TIAL1: variants seen among roughly 807,000 people sequenced by gnomAD.
The protein encoded by TIAL1 is nucleolysin TIAR.
A neutral mutation model predicts 59.7 loss-of-function variants in TIAL1; 7 were observed. The ratio of observed to expected loss-of-function variants is 0.12; its 90% confidence interval spans 0.07 to 0.22. The LOEUF is 0.22. Ranked by LOEUF, TIAL1 falls within the 10% of genes least tolerant of loss-of-function variation. TIAL1 has a pLI of 1.00. For missense variants in TIAL1, 225 were observed against 462.5 expected, an observed-to-expected ratio of 0.49 and a Z score of 4.71; for synonymous variants, 149 against 146.3, an observed-to-expected ratio of 1.02 and a Z score of -0.13.
At chr10:119,591,249 C>CA (rs1394449780) in intron 1 of TIAL1, among the ~76,000 whole-genome samples, 4 of 151,716 alleles carry the variant, frequency 2.6e-5, no homozygotes, top group Non-Finnish European at 5.9e-5. Context: ...ACTAAAAACA[C>CA]AAAAAATTAG....
At chr10:119,588,031 A>T in intron 2 of TIAL1, 121 bp downstream of exon 2, 1 of 540,832 alleles carries the variant, frequency 1.8e-6, no homozygotes, top group East Asian at 3.4e-5. Flanking sequence ...AATCAAAGTA[A>T]TAAGTCAACA....
chr10:119,586,720 T>C (rs1221300227), intron 2 of TIAL1, among the ~76,000 whole-genome samples: 1 of 152,208 alleles, frequency 6.6e-6, no homozygotes, highest in African/African-American at 2.4e-5. Context: ...CACCAGACTC[T>C]AGCCATCGGT....
chr10:119,592,899 T>A (rs1845960304), intron 1 of TIAL1, among the ~76,000 whole-genome samples: 4 of 152,198 alleles, frequency 2.6e-5, no homozygotes. Context: ...AGCCAGTCAA[T>A]TTTGTAATAG....
At chr10:119,589,781 T>C (rs566681685) in intron 1 of TIAL1, among the ~76,000 whole-genome samples, 13 of 152,346 alleles carry the variant, frequency 8.5e-5, no homozygotes, top group African/African-American at 3.1e-4. Flanking sequence ...TCTAAATAAA[T>C]TGCCAAACAC....
In TIAL1 at chr10:119,574,599, A is replaced by AAAAG. The variant is rs1554862521; in HGVS notation, c.*1065_*1066insCTTT. 6.6e-6 allele frequency: 1 copy of AAAAG among 150,474 alleles called. No homozygotes were observed. The highest frequency in any genetic ancestry group is 2.5e-5 in the African/African-American group (1 of 40,566). 9.3% of individuals were successfully genotyped at this position (150,474 alleles called of 1,614,324 possible). A position where few individuals can be genotyped will look rare whatever the true frequency, so the allele number is the denominator to read the frequency against. On this transcript the variant is annotated 3_prime_UTR_variant, in exon 12 of 12. Coordinates refer to ENST00000436547, the MANE Select transcript of TIAL1 (RefSeq NM_003252.4). ...AGTAATGTAAAGCAAAAAAAAAAAAAAAAAAAAACAAAAACAAAAAACTAA... is the reference window on the plus strand; with the variant it reads ...AGTAATGTAAAGCAAAAAAAAAAAAAAAAGAAAAAAAACAAAAACAAAAAACTAA...
intron 1 of TIAL1, among the ~76,000 whole-genome samples, chr10:119,592,880 CCATGGTATAG>C (rs1845958774): frequency 6.6e-6 from 1 of 152,056 alleles, no homozygotes; most frequent in Non-Finnish European, 1.5e-5. Flanking sequence ...ATAGCCAAAT[CCATGGTATAG>C]CCAGTCAATT....
At chr10:119,585,894 ATTCTC>A (rs1312667906) in intron 2 of TIAL1, among the ~76,000 whole-genome samples, 2 of 152,044 alleles carry the variant, frequency 1.3e-5, no homozygotes, top group Non-Finnish European at 2.9e-5. Context: ...TCCTTTAAAC[ATTCTC>A]TTCTGTCTCC....
intron 1 of TIAL1, among the ~76,000 whole-genome samples, chr10:119,590,425 C>G (rs999940128): frequency 6.6e-6 from 1 of 151,916 alleles, no homozygotes; most frequent in African/African-American, 2.4e-5. Context: ...GAAAAATGAA[C>G]AAGTGACCAG....
In TIAL1 at chr10:119,582,291, TA is replaced by T; in HGVS notation, c.229-69del. On this transcript the variant is annotated intron_variant, in intron 3 of 11. Transcript: ENST00000436547. The surrounding 1 kb of genome is among the most constrained non-coding windows in gnomAD (Gnocchi z 5.1). Reference sequence around the variant, plus strand: ...ATGAGTTACAACACTTACCACTTATTAAATCATTTATCAAGCAGGGTTATTT... The same window carrying T: ...ATGAGTTACAACACTTACCACTTATTAATCATTTATCAAGCAGGGTTATTT... The T allele has an allele frequency of 6.8e-7, 1 of 1,479,294 alleles. No individual in the cohort carries two copies. The highest frequency in any genetic ancestry group is 1.3e-5 in the South Asian group (1 of 77,996). The allele number at this position is 1,479,294 out of a possible 1,614,324, so 91.6% of individuals were successfully genotyped here.
intron 1 of TIAL1, among the ~76,000 whole-genome samples, chr10:119,592,956 T>A (rs1208786392): frequency 6.6e-6 from 1 of 152,242 alleles, no homozygotes; most frequent in African/African-American, 2.4e-5. Context: ...CAGATTATAC[T>A]CTAAATCATT....
rs773778410 is a variant in TIAL1, at chr10:119,582,025, T to C, written c.284-16A>G. On this transcript the variant is annotated splice_polypyrimidine_tract_variant and intron_variant, in intron 4 of 11. Coordinates refer to ENST00000436547, the MANE Select transcript of TIAL1 (RefSeq NM_003252.4). This position sits in a 1 kb window ranked among gnomAD's most constrained non-coding sequence, Gnocchi z 5.1. ...TGGAAGTGATCTGAAATCAGAGCATTTGGTAATCAAATACTTAAGAAGTCA... is the reference window on the plus strand; with the variant it reads ...TGGAAGTGATCTGAAATCAGAGCATCTGGTAATCAAATACTTAAGAAGTCA... 6.2e-6 allele frequency: 10 copies of C among 1,612,886 alleles called. No homozygotes were observed. In the East Asian group the frequency reaches 2.2e-4, roughly 36 times the overall value.
rs1844870738 is a variant in TIAL1, at chr10:119,574,586, C to CAAAAAAAATAAAAAA, written c.*1078_*1079insTTTTTTATTTTTTTT. On this transcript the variant is annotated 3_prime_UTR_variant, in exon 12 of 12. Coordinates refer to ENST00000436547, the MANE Select transcript of TIAL1 (RefSeq NM_003252.4). ...TATTTACATACCAAGTAATGTAAAGCAAAAAAAAAAAAAAAAAAAAACAAA... is the reference window on the plus strand; with the variant it reads ...TATTTACATACCAAGTAATGTAAAGCAAAAAAAATAAAAAAAAAAAAAAAAAAAAAAAAAAACAAA... 1.2e-5 allele frequency: 1 copy of CAAAAAAAATAAAAAA among 86,550 alleles called. No individual in the cohort carries two copies. Among genetic ancestry groups the CAAAAAAAATAAAAAA allele is most frequent in the Non-Finnish European group, 2.1e-5 (1 of 47,626 alleles). 5.4% of individuals were successfully genotyped at this position (86,550 alleles called of 1,614,324 possible).
Position 119,577,097 on chromosome 10 carries a change from T to A in TIAL1, c.844A>T (p.Thr282Ser). The A allele has an allele frequency of 6.2e-7, 1 of 1,613,776 alleles. No individual in the cohort carries two copies. Among genetic ancestry groups the A allele is most frequent in the Non-Finnish European group, 8.5e-7 (1 of 1,179,862 alleles). Residue 282 changes from threonine to serine, a missense_variant, in exon 10 of 12, where the codon ACT becomes TCT. Transcript: ENST00000436547. Reference protein sequence around the residue: ...CYWGKESPDMTKNFQQVDYSQ... With the variant: ...CYWGKESPDMSKNFQQVDYSQ... ...CGAATTACCTGTTGGAAGTTTTTAGTCATATCAGGAGATTCTTTACCCCAA... is the reference window on the plus strand; with the variant it reads ...CGAATTACCTGTTGGAAGTTTTTAGACATATCAGGAGATTCTTTACCCCAA...
chr10:119,589,499 C>T (rs1776177109), intron 1 of TIAL1, among the ~76,000 whole-genome samples: 1 of 152,112 alleles, frequency 6.6e-6, no homozygotes, highest in Admixed American at 6.5e-5. Context: ...AGCCACCATG[C>T]CCAGCCAACA....
At chr10:119,576,910 G>A in intron 10 of TIAL1, 160 bp from the exon 11 acceptor site, 1 of 1,331,990 alleles carries the variant, frequency 7.5e-7, no homozygotes, top group Non-Finnish European at 1.0e-6. Context: ...TGACACCTGT[G>A]AAAAGAAAGT....
intron 6 of TIAL1, among the ~76,000 whole-genome samples, 155 bp downstream of exon 6, chr10:119,579,780 G>T (rs1052327096): frequency 6.6e-6 from 1 of 152,084 alleles, no homozygotes; most frequent in African/African-American, 2.4e-5. Flanking sequence ...AAAGAGGAAT[G>T]AAATTATACT....
Position 119,575,652 on chromosome 10 carries a change from TTA to T in TIAL1, c.*11_*12del, listed in dbSNP as rs1491272632. ...GCCTATCATGAATTACAATTTTTTT[TTA>T]GAGTCCCGGCTCACTGTGTTTGGTA... On this transcript the variant is annotated 3_prime_UTR_variant, in exon 12 of 12. Coordinates refer to ENST00000436547, the MANE Select transcript of TIAL1 (RefSeq NM_003252.4). 1.2e-6 allele frequency: 2 copies of T among 1,613,590 alleles called. No individual in the cohort carries two copies. The highest frequency in any genetic ancestry group is 1.7e-6 in the Non-Finnish European group (2 of 1,179,832).
In TIAL1 at chr10:119,576,955, T is replaced by C. The variant is rs988339192; in HGVS notation, c.861+125A>G. 11 of 1,396,552 alleles carry C rather than the reference T, an allele frequency of 7.9e-6. No individual in the cohort carries two copies. The East Asian group carries it at 1.7e-4, about 21-fold the overall frequency. 86.5% of individuals were successfully genotyped at this position (1,396,552 alleles called of 1,614,324 possible). A position where few individuals can be genotyped will look rare whatever the true frequency, so the allele number is the denominator to read the frequency against. On this transcript the variant is annotated intron_variant, in intron 10 of 11. Transcript: ENST00000436547. ...CAGTTAATACCGCAAATAATCAATT[T>C]TGAAATACAATCAACTGAAAGTAGC...
Position 119,574,481 on chromosome 10 carries a change from C to T in TIAL1, c.*1184G>A, listed in dbSNP as rs1844862503. The T allele has an allele frequency of 6.7e-6, 1 of 148,794 alleles. No homozygotes were observed. The highest frequency in any genetic ancestry group is 1.5e-5 in the Non-Finnish European group (1 of 67,246). 9.2% of individuals were successfully genotyped at this position (148,794 alleles called of 1,614,324 possible). A position where few individuals can be genotyped will look rare whatever the true frequency, so the allele number is the denominator to read the frequency against. On this transcript the variant is annotated 3_prime_UTR_variant, in exon 12 of 12. Transcript: ENST00000436547. ...CAAAATATATCTTAATTTTTAAAAA[C>T]ACCCCAAGATTTTTAAAAAACACTT...
Sources: allele counts gnomAD v4.1 joint callset (sites outside exome capture counted in the v4.1 genomes callset), GRCh38; gene constraint gnomAD v4.1.1; non-coding constraint Gnocchi (gnomAD v3.1); transcripts MANE v1.5; gene names NCBI Gene and HGNC (gene_info 2026-07-23, HGNC 2026-07-21).